The following CREB1 variants were observed in gnomAD, a reference collection of about 807,000 sequenced individuals.
The protein encoded by CREB1 is cAMP responsive element binding protein 1, also known as cyclic AMP-responsive element-binding protein 1.
In CREB1, 2 loss-of-function variants were observed where a neutral mutation model predicts 42.0. The observed-to-expected ratio is 0.05, with a 90% confidence interval of 0.02 to 0.15. The LOEUF (loss-of-function observed/expected upper bound fraction) is 0.15, where lower values mean the gene tolerates loss of function less well. Ranked by LOEUF, CREB1 falls within the 10% of genes least tolerant of loss-of-function variation. CREB1 has a pLI of 1.00. For synonymous variants in CREB1, 123 were observed against 139.9 expected (o/e 0.88, Z 0.85); for missense variants, 199 against 388.9 (o/e 0.51, Z 4.11).
chr2:207,570,622 A>G (rs974425924), intron 5 of CREB1, among the ~76,000 whole-genome samples: 4 of 152,164 alleles, frequency 2.6e-5, no homozygotes, highest in African/African-American at 7.2e-5. Flanking sequence ...CCTAGGTTTG[A>G]GGCCTCATGT....
chr2:207,551,991 G>A (rs775329829), intron 1 of CREB1, among the ~76,000 whole-genome samples: 2 of 135,508 alleles, frequency 1.5e-5, no homozygotes, highest in East Asian at 2.3e-4. Context: ...GCAGTGAGCC[G>A]AGATCGAGCC....
At chr2:207,578,903 G>GC (rs2082710071) in intron 7 of CREB1, among the ~76,000 whole-genome samples, 1 of 151,886 alleles carries the variant, frequency 6.6e-6, no homozygotes. Context: ...CAATTCTCCT[G>GC]CCTCAACCTC....
chr2:207,560,432 C>T, intron 3 of CREB1, 60 bp downstream of exon 3: 1 of 1,497,354 alleles, frequency 6.7e-7, no homozygotes. Flanking sequence ...CCATATCTCT[C>T]TCCTTTCACT....
At chr2:207,575,982 T>TTTA (rs528189417) in intron 6 of CREB1, among the ~76,000 whole-genome samples, 136 of 127,726 alleles carry the variant, frequency 1.1e-3, no homozygotes, top group African/African-American at 2.8e-3. Flanking sequence ...ATCATCAGTT[T>TTTA]TTATTATTAT....
intron 1 of CREB1, among the ~76,000 whole-genome samples, chr2:207,546,466 C>T (rs772647177): frequency 3.9e-5 from 6 of 152,152 alleles, no homozygotes; most frequent in Non-Finnish European, 8.8e-5. Flanking sequence ...GTGGCTCATG[C>T]TGGTAATCCC....
chr2:207,548,196 A>G (rs2081369100), intron 1 of CREB1, among the ~76,000 whole-genome samples: 1 of 152,198 alleles, frequency 6.6e-6, no homozygotes, highest in African/African-American at 2.4e-5. Context: ...CCCAAAGCGC[A>G]GGGATTACAG....
intron 7 of CREB1, chr2:207,582,821 A>C: frequency 3.0e-6 from 1 of 328,784 alleles, no homozygotes; most frequent in South Asian, 2.3e-5. Flanking sequence ...CGAACCTGGG[A>C]GGTGGAAGTT....
intron 7 of CREB1, among the ~76,000 whole-genome samples, chr2:207,593,783 A>G (rs913695419): frequency 1.4e-5 from 2 of 140,662 alleles, no homozygotes; most frequent in Non-Finnish European, 3.0e-5. Flanking sequence ...CAGTGGCGCT[A>G]TCTTGGCTCA....
At chr2:207,577,908 C>A (rs1452460166) in intron 7 of CREB1, 3 of 451,428 alleles carry the variant, frequency 6.6e-6, no homozygotes, top group Non-Finnish European at 1.2e-5. Flanking sequence ...ATTTAATGCA[C>A]AACTTCCCTA....
At position 207,599,427 on chromosome 2, in the gene CREB1, A is replaced by G. The variant is rs1010754926; in HGVS notation, c.*2369A>G. On this transcript the variant is annotated 3_prime_UTR_variant, in exon 8 of 8. Transcript: ENST00000353267. Reference sequence around the variant, plus strand: ...TTGTATTCTCTAAAGCTTTTTTTCAAAAGTTCAGGCTTTCTACTTACTGGG... The same window carrying G: ...TTGTATTCTCTAAAGCTTTTTTTCAGAAGTTCAGGCTTTCTACTTACTGGG... 5.0e-6 allele frequency: 1 copy of G among 201,164 alleles called. No individual in the cohort carries two copies. The highest frequency in any genetic ancestry group is 1.0e-5 in the Non-Finnish European group (1 of 97,776). The allele number at this position is 201,164 out of a possible 1,614,324, so 12.5% of individuals were successfully genotyped here.
At chr2:207,537,342 A>G (rs2080916462) in intron 1 of CREB1, among the ~76,000 whole-genome samples, 1 of 152,132 alleles carries the variant, frequency 6.6e-6, no homozygotes, top group South Asian at 2.1e-4. Flanking sequence ...CTGGCCTACA[A>G]AGTGCTTGTC....
intron 7 of CREB1, among the ~76,000 whole-genome samples, chr2:207,590,127 A>C (rs2084735519): frequency 8.1e-6 from 1 of 124,052 alleles, no homozygotes; most frequent in Non-Finnish European, 1.6e-5. Flanking sequence ...GGGATCATTC[A>C]GACTATTTCT....
intron 7 of CREB1, among the ~76,000 whole-genome samples, chr2:207,586,994 A>G (rs1428380045): frequency 6.6e-6 from 1 of 152,248 alleles, no homozygotes; most frequent in Non-Finnish European, 1.5e-5. Flanking sequence ...CTGATGATGC[A>G]GAGAAAGGTG....
intron 7 of CREB1, among the ~76,000 whole-genome samples, chr2:207,593,349 G>A (rs2085452660): frequency 6.6e-6 from 1 of 152,140 alleles, no homozygotes; most frequent in Non-Finnish European, 1.5e-5. Context: ...AACATAGGAA[G>A]ACACTGTCTC....
chr2:207,579,327 A>T (rs2082738827), intron 7 of CREB1, among the ~76,000 whole-genome samples: 1 of 152,222 alleles, frequency 6.6e-6, no homozygotes, highest in South Asian at 2.1e-4. Flanking sequence ...AATATTTAAG[A>T]CAACACTGCT....
In CREB1 at chr2:207,566,241, A is replaced by T. The variant is rs2082133751; in HGVS notation, c.262-1222A>T. On this transcript the variant is annotated intron_variant, in intron 3 of 7. Coordinates refer to ENST00000353267, the MANE Select transcript of CREB1 (RefSeq NM_004379.5). The stretch of plus-strand genomic sequence containing the variant: ...TGAATGCCCACTTGGGAGAACTGTT[A>T]GGCTCAGACCACACATAGAGTACGC... Among the ~76,000 whole-genome samples, 8 of 152,170 alleles carry T rather than the reference A, an allele frequency of 5.3e-5. No individual in the cohort carries two copies. In the South Asian group the frequency reaches 1.7e-3, roughly 31 times the overall value.
In CREB1 at chr2:207,598,032, C is replaced by T. The variant is rs2086454288; in HGVS notation, c.*974C>T. The T allele has an allele frequency of 5.5e-6, 1 of 181,558 alleles. No homozygotes were observed. The highest frequency in any genetic ancestry group is 2.4e-5 in the African/African-American group (1 of 42,388). The allele number at this position is 181,558 out of a possible 1,614,324, so 11.2% of individuals were successfully genotyped here. On this transcript the variant is annotated 3_prime_UTR_variant, in exon 8 of 8. Coordinates refer to ENST00000353267, the MANE Select transcript of CREB1 (RefSeq NM_004379.5). ...TGCCCATTGCACTTACATACCACCA[C>T]CAAGAAAGCCTTCAAGATGTCAAAT...
rs770746639 is a variant in CREB1 at position 207,567,474 on chromosome 2, T to G, written c.273T>G (p.Ile91Met). Residue 91 changes from isoleucine to methionine, a missense_variant, in exon 4 of 8, where the codon ATT becomes ATG. By Grantham distance (10) the Ile-to-Met change is conservative. Transcript: ENST00000353267. Reference protein sequence around the residue: ...PQVQTVQISTIAESEDSQESV... With the variant: ...PQVQTVQISTMAESEDSQESV... ...TTCTTTAATTTCAGATTTCAACTAT[T>G]GCAGAAAGTGAAGATTCACAGGAGT... 2 of 1,608,370 alleles carry G rather than the reference T, an allele frequency of 1.2e-6. No individual in the cohort carries two copies. Among genetic ancestry groups the G allele is most frequent in the Non-Finnish European group, 1.7e-6 (2 of 1,176,424 alleles).
At chr2:207,588,139 C>CTTT (rs60458575) in intron 7 of CREB1, among the ~76,000 whole-genome samples, 147,183 of 152,198 alleles carry the variant, frequency 0.97, 71,377 homozygotes, top group East Asian at 1. Context: ...ACACAGACTT[C>CTTT]GTTTTCCTCT....
Sources: allele counts gnomAD v4.1 joint callset (sites outside exome capture counted in the v4.1 genomes callset), GRCh38; gene constraint gnomAD v4.1.1; transcripts MANE v1.5; gene names NCBI Gene and HGNC (gene_info 2026-07-23, HGNC 2026-07-21).